Variants in MAPKBP1 observed in about 807,000 individuals in gnomAD.
MAPKBP1 encodes mitogen-activated protein kinase-binding protein 1.
Under a neutral mutation model 170.5 loss-of-function variants are expected in MAPKBP1, and 71 were observed. That is an observed-to-expected ratio of 0.42 (90% CI 0.34 to 0.51). MAPKBP1 has a LOEUF of 0.51. MAPKBP1 is among the 20% of genes least tolerant of loss of function. MAPKBP1 has a pLI of 0.06. For missense variants in MAPKBP1, 1,598 were observed against 1,933.0 expected (o/e 0.83, Z 3.25); for synonymous variants, 719 against 757.9 (o/e 0.95, Z 0.84).
chr15:41,796,630 A>G (rs1247018170), intron 2 of MAPKBP1, among the ~76,000 whole-genome samples: 2 of 152,132 alleles, frequency 1.3e-5, no homozygotes, highest in East Asian at 3.8e-4. Context: ...AGCTGCTTAG[A>G]AAGCCAGAAA....
At chr15:41,784,739 G>A (rs928227083) in intron 2 of MAPKBP1, among the ~76,000 whole-genome samples, 2 of 132,466 alleles carry the variant, frequency 1.5e-5, no homozygotes, top group African/African-American at 2.9e-5. Context: ...CCGAGATGGC[G>A]CCACTACACT....
rs1555454037 is a variant in MAPKBP1 at position 41,819,551 on chromosome 15, G to GGGGT, written c.2426-41_2426-40insTGGG. 23 of 1,515,304 alleles carry GGGGT rather than the reference G, an allele frequency of 1.5e-5. 1 individual carries two copies. The South Asian group carries it at 2.2e-4, about 14-fold the overall frequency. The allele number at this position is 1,515,304 out of a possible 1,614,324, so 93.9% of individuals were successfully genotyped here. ...CAGGGCTCCAGGGTTGGGTGGCGGG[G>GGGGT]GGGGGGCAGGAGACACTTCCTCTGA... On this transcript the variant is annotated intron_variant, in intron 21 of 30. Transcript: ENST00000457542.
chr15:41,805,693 G>A (rs1329122240), intron 3 of MAPKBP1, among the ~76,000 whole-genome samples: 2 of 152,214 alleles, frequency 1.3e-5, no homozygotes, highest in Non-Finnish European at 2.9e-5. Flanking sequence ...ATTGCACTGG[G>A]TGTGACAGAA....
chr15:41,818,635 C>A lies in MAPKBP1; in HGVS notation c.2156+53C>A. 7.1e-6 allele frequency: 11 copies of A among 1,548,616 alleles called. No individual in the cohort carries two copies. The South Asian group carries it at 1.2e-4, about 16-fold the overall frequency. ...GCAGATTCTTACTCTGCCACAGCAC[C>A]CTGCCCTCCCCTCTCTCCATTTCAG... On this transcript the variant is annotated intron_variant, in intron 19 of 30. Coordinates refer to ENST00000457542, the MANE Select transcript of MAPKBP1 (RefSeq NM_014994.3). This position sits in a 1 kb window ranked among gnomAD's most constrained non-coding sequence, Gnocchi z 5.2.
At chr15:41,822,699 C>CA (rs1420249899) in intron 27 of MAPKBP1, 22 bp downstream of exon 27, 1 of 1,613,036 alleles carries the variant, frequency 6.2e-7, no homozygotes, top group Non-Finnish European at 8.5e-7. Flanking sequence ...CCCTACCCCC[C>CA]AGCAGCAGCT....
chr15:41,795,971 A>G (rs1351362868), intron 2 of MAPKBP1, among the ~76,000 whole-genome samples: 5 of 152,202 alleles, frequency 3.3e-5, no homozygotes, highest in African/African-American at 4.8e-5. Flanking sequence ...TATAGGGGGT[A>G]AGGCCTGAAG....
At chr15:41,809,621 A>G (rs1022979755) in intron 3 of MAPKBP1, among the ~76,000 whole-genome samples, 3 of 152,148 alleles carry the variant, frequency 2.0e-5, no homozygotes, top group African/African-American at 7.2e-5. Flanking sequence ...CTTGTCTGCT[A>G]TTTCCAGTGC....
intron 27 of MAPKBP1, 122 bp downstream of exon 27, chr15:41,822,799 G>A (rs181702076): frequency 7.6e-6 from 11 of 1,454,898 alleles, no homozygotes; most frequent in Middle Eastern, 1.9e-4. Flanking sequence ...CCCAGTTTTG[G>A]GCTAACTGGC....
At chr15:41,809,448 A>C (rs2064765420) in intron 3 of MAPKBP1, among the ~76,000 whole-genome samples, 1 of 152,164 alleles carries the variant, frequency 6.6e-6, no homozygotes, top group Non-Finnish European at 1.5e-5. Context: ...CTTAGCCCTC[A>C]CTAGCAACTT....
chr15:41,811,123 GC>G (rs1351759639), intron 4 of MAPKBP1, 54 bp from the exon 5 acceptor site: 1 of 1,601,152 alleles, frequency 6.2e-7, no homozygotes, highest in African/African-American at 1.3e-5. Flanking sequence ...CTGGGAGGGG[GC>G]TAGGCTTAGG....
At chr15:41,800,970 A>C in intron 3 of MAPKBP1, among the ~76,000 whole-genome samples, 1 of 152,000 alleles carries the variant, frequency 6.6e-6, no homozygotes, top group Non-Finnish European at 1.5e-5. Context: ...CCTGGGCTCA[A>C]GCAGTCCTCC....
At chr15:41,775,448 C>G in intron 2 of MAPKBP1, 59 bp downstream of exon 2, 10 of 1,237,732 alleles carry the variant, frequency 8.1e-6, no homozygotes, top group South Asian at 4.9e-5. Flanking sequence ...CCATGTTCCT[C>G]GTTAACCTTC....
chr15:41,824,451 T>G (rs933204180), intron 29 of MAPKBP1, 33 bp from the exon 30 acceptor site: 4 of 1,552,734 alleles, frequency 2.6e-6, no homozygotes, highest in Non-Finnish European at 3.5e-6. Flanking sequence ...GGCTACATGC[T>G]GGGCCTCACT....
At chr15:41,822,492 G>C in intron 26 of MAPKBP1, 70 bp downstream of exon 26, 2 of 1,601,598 alleles carry the variant, frequency 1.2e-6, no homozygotes, top group South Asian at 2.2e-5. Context: ...CCTGAGAGGA[G>C]GGTCCCAGGG....
chr15:41,795,544 G>A (rs950239374), intron 2 of MAPKBP1, among the ~76,000 whole-genome samples: 5 of 152,002 alleles, frequency 3.3e-5, no homozygotes, highest in Non-Finnish European at 4.4e-5. Context: ...GAAGCCATTT[G>A]GAGGGTTTTG....
chr15:41,809,270 A>G (rs2064761237), intron 3 of MAPKBP1, among the ~76,000 whole-genome samples: 1 of 147,108 alleles, frequency 6.8e-6, no homozygotes, highest in South Asian at 2.2e-4. Context: ...ATGGAGAAAG[A>G]AGGAGGAAAA....
intron 2 of MAPKBP1, among the ~76,000 whole-genome samples, chr15:41,794,550 C>A (rs1013274209): frequency 6.6e-6 from 1 of 152,116 alleles, no homozygotes; most frequent in East Asian, 1.9e-4. Context: ...TGTCCTCGGT[C>A]GGTCATAGCC....
intron 9 of MAPKBP1, 131 bp downstream of exon 9, chr15:41,813,912 G>C: frequency 8.9e-7 from 1 of 1,117,434 alleles, no homozygotes; most frequent in South Asian, 1.9e-5. Flanking sequence ...TCTTTAGACA[G>C]AAGAATTTGG....
Position 41,816,602 on chromosome 15 carries a change from G to T in MAPKBP1, c.1537G>T (p.Ala513Ser), listed in dbSNP as rs367565034. Residue 513 changes from alanine (A) to serine (S), a missense_variant, in exon 13 of 31, where the codon GCC becomes TCC. Physicochemically the swap from Ala to Ser is moderately conservative, Grantham distance 99. Transcript: ENST00000457542. The stretch of plus-strand genomic sequence containing the variant: ...CCTGAGTGAGATGCTGAAGGTGGAG[G>T]CCCATGACTCTGAGATTCTGTGCCT... The part of the protein sequence containing the change: ...QSLSEMLKVE[A>S]HDSEILCLEY... The T allele has an allele frequency of 6.2e-7, 1 of 1,613,978 alleles. No individual in the cohort carries two copies. Among genetic ancestry groups the T allele is most frequent in the Non-Finnish European group, 8.5e-7 (1 of 1,180,046 alleles).
Sources: allele counts gnomAD v4.1 joint callset (sites outside exome capture counted in the v4.1 genomes callset), GRCh38; gene constraint gnomAD v4.1.1; non-coding constraint Gnocchi (gnomAD v3.1); transcripts MANE v1.5; gene names NCBI Gene and HGNC (gene_info 2026-07-23, HGNC 2026-07-21).